KLHL29: variants seen among roughly 807,000 people sequenced by gnomAD.
KLHL29 encodes kelch like family member 29, also known as kelch-like protein 29.
In KLHL29, 21 loss-of-function variants were observed where a neutral mutation model predicts 80.4. The ratio of observed to expected loss-of-function variants is 0.26; its 90% confidence interval spans 0.19 to 0.38. KLHL29 has a LOEUF of 0.38. KLHL29 is among the 10% of genes least tolerant of loss of function. The pLI is 1.00. For missense variants in KLHL29, 867 were observed against 1,223.9 expected (o/e 0.71, Z 4.35); for synonymous variants, 511 against 526.8 (o/e 0.97, Z 0.41).
intron 2 of KLHL29, among the ~76,000 whole-genome samples, chr2:23,527,015 C>T (rs1284746222): frequency 1.3e-5 from 2 of 152,054 alleles, no homozygotes; most frequent in African/African-American, 4.8e-5. Flanking sequence ...TGGTATCCTG[C>T]GTTGGTGGAC....
intron 2 of KLHL29, among the ~76,000 whole-genome samples, chr2:23,553,011 C>T (rs1021739940): frequency 2.0e-5 from 3 of 152,100 alleles, no homozygotes; most frequent in Non-Finnish European, 2.9e-5. Flanking sequence ...CCACCCACCT[C>T]GGCCTCCCAA....
intron 3 of KLHL29, chr2:23,617,117 C>T (rs140984021): frequency 1.2e-4 from 19 of 152,328 alleles, no homozygotes; most frequent in African/African-American, 4.6e-4. Context: ...TCTTTTGTCT[C>T]CTCCCTTTGA....
intron 3 of KLHL29, among the ~76,000 whole-genome samples, chr2:23,569,277 G>T (rs1397238740): frequency 2.0e-5 from 3 of 152,236 alleles, no homozygotes; most frequent in Non-Finnish European, 4.4e-5. Context: ...TCTGAAATCA[G>T]GAAAGGGAGC....
At chr2:23,654,699 G>GGT (rs1553350623) in intron 5 of KLHL29, among the ~76,000 whole-genome samples, 1 of 118,810 alleles carries the variant, frequency 8.4e-6, no homozygotes, top group African/African-American at 2.7e-5. Flanking sequence ...CAGAGGTTGG[G>GGT]GGGGGGGGGT....
chr2:23,468,430 C>T lies in KLHL29; in HGVS notation c.-153-7130C>T, dbSNP rs568585207. ...TCTCTGTAAGGGGACCAGCAAATCACGAAGTCTAATAGCCCACCTTGTTTT... is the reference window on the plus strand; with the variant it reads ...TCTCTGTAAGGGGACCAGCAAATCATGAAGTCTAATAGCCCACCTTGTTTT... On this transcript the variant is annotated intron_variant, in intron 1 of 13. Transcript: ENST00000486442. Among the ~76,000 whole-genome samples, 10 of 152,164 alleles carry T rather than the reference C, an allele frequency of 6.6e-5. No homozygotes were observed. In the East Asian group the frequency reaches 1.2e-3, roughly 18 times the overall value.
At chr2:23,527,121 T>G (rs543280744) in intron 2 of KLHL29, among the ~76,000 whole-genome samples, 2 of 152,282 alleles carry the variant, frequency 1.3e-5, no homozygotes, top group East Asian at 3.9e-4. Context: ...TGTTGGCCCA[T>G]TCTGAAACCA....
At position 23,695,967 on chromosome 2, in the gene KLHL29, C is replaced by T; in HGVS notation, c.1758C>T (p.Ile586=). ...TCCCTGCAGGTGTGGCTGAGGTCATCGTCTTGGTTGGGGGCCGTCAGATGG... is the reference window on the plus strand; with the variant it reads ...TCCCTGCAGGTGTGGCTGAGGTCATTGTCTTGGTTGGGGGCCGTCAGATGG... ...PRLSAGVAEV[I]VLVGGRQMVG... Residue 586 remains isoleucine (I), a synonymous_variant, in exon 10 of 14, where the codon ATC becomes ATT. Transcript: ENST00000486442. The surrounding 1 kb of genome is among the most constrained non-coding windows in gnomAD (Gnocchi z 7.6). 3.9e-6 allele frequency: 6 copies of T among 1,551,418 alleles called. No individual in the cohort carries two copies. The highest frequency in any genetic ancestry group is 1.2e-5 in the South Asian group (1 of 84,050).
chr2:23,691,451 G>C (rs1245789110), intron 6 of KLHL29: 1 of 591,836 alleles, frequency 1.7e-6, no homozygotes, highest in South Asian at 2.0e-5. Flanking sequence ...TGGACATGCC[G>C]AGTAGTGATA....
At chr2:23,499,011 C>T (rs904558685) in intron 2 of KLHL29, among the ~76,000 whole-genome samples, 5 of 152,160 alleles carry the variant, frequency 3.3e-5, no homozygotes, top group Admixed American at 2.0e-4. Flanking sequence ...CGTTTCCTTT[C>T]GTGGCCATAA....
At chr2:23,495,418 T>C (rs1166940853) in intron 2 of KLHL29, among the ~76,000 whole-genome samples, 1 of 152,110 alleles carries the variant, frequency 6.6e-6, no homozygotes, top group East Asian at 1.9e-4. Context: ...GGTGTTGAGG[T>C]TGTGTCTTCT....
At chr2:23,483,088 T>C (rs1040373901) in intron 2 of KLHL29, among the ~76,000 whole-genome samples, 1 of 152,200 alleles carries the variant, frequency 6.6e-6, no homozygotes, top group Non-Finnish European at 1.5e-5. Flanking sequence ...ACTCATTTAC[T>C]TGACTTAGTG....
At chr2:23,417,761 A>C (rs1338288842) in intron 1 of KLHL29, among the ~76,000 whole-genome samples, 1 of 152,018 alleles carries the variant, frequency 6.6e-6, no homozygotes, top group Non-Finnish European at 1.5e-5. Flanking sequence ...AGCTCTGCTG[A>C]AGTGCTTGCA....
In KLHL29 at chr2:23,696,497, G is replaced by T. The variant is rs1279460322; in HGVS notation, c.2089G>T (p.Val697Leu). Residue 697 changes from valine (V) to leucine (L), a missense_variant, in exon 11 of 14, where the codon GTG becomes TTG. Physicochemically the swap from Val to Leu is conservative, Grantham distance 32. This residue lies in a region of KLHL29 where 443 missense variants were observed against 767.0 expected (regional missense o/e 0.58). Coordinates refer to ENST00000486442, the MANE Select transcript of KLHL29 (RefSeq NM_052920.2). This position sits in a 1 kb window ranked among gnomAD's most constrained non-coding sequence, Gnocchi z 5.5. ...TLGGLGVAGN[V>L]DHVERYDTIT... ...CGGGGGACTTGGCGTGGCAGGCAAC[G>T]TGGACCACGTGGAGAGGTAATGAGG... The T allele has an allele frequency of 6.5e-7, 1 of 1,531,478 alleles. No homozygotes were observed. The highest frequency in any genetic ancestry group is 1.4e-5 in the African/African-American group (1 of 72,846). 94.9% of individuals were successfully genotyped at this position (1,531,478 alleles called of 1,614,324 possible).
At chr2:23,497,789 T>G (rs571738679) in intron 2 of KLHL29, among the ~76,000 whole-genome samples, 127 of 152,264 alleles carry the variant, frequency 8.3e-4, no homozygotes, top group African/African-American at 2.9e-3. Context: ...CACTGAGCTG[T>G]GAGCTGGAGG....
At chr2:23,436,750 A>G (rs147387317) in intron 1 of KLHL29, among the ~76,000 whole-genome samples, 1 of 152,180 alleles carries the variant, frequency 6.6e-6, no homozygotes, top group African/African-American at 2.4e-5. Flanking sequence ...GATTTTTGCT[A>G]TTTGCTTTTG....
intron 3 of KLHL29, among the ~76,000 whole-genome samples, chr2:23,598,970 C>T (rs1182269236): frequency 6.6e-6 from 1 of 152,230 alleles, no homozygotes; most frequent in Non-Finnish European, 1.5e-5. Context: ...AAGCTGCCAT[C>T]GCCCAGCCCA....
At chr2:23,531,353 C>T (rs989293975) in intron 2 of KLHL29, among the ~76,000 whole-genome samples, 1 of 152,174 alleles carries the variant, frequency 6.6e-6, no homozygotes, top group African/African-American at 2.4e-5. Flanking sequence ...GGGTGAGGCT[C>T]AGTTTTGTGA....
intron 5 of KLHL29, among the ~76,000 whole-genome samples, chr2:23,671,254 T>C (rs968779433): frequency 2.6e-5 from 4 of 151,994 alleles, no homozygotes; most frequent in African/African-American, 7.2e-5. Context: ...AGTAATGGCT[T>C]TTACTGGAGC....
intron 3 of KLHL29, among the ~76,000 whole-genome samples, chr2:23,638,637 C>G (rs1669682671): frequency 6.6e-6 from 1 of 152,212 alleles, no homozygotes; most frequent in African/African-American, 2.4e-5. Context: ...TATAAAGTCC[C>G]TCACCTGCTG....
Sources: gnomAD v4.1 joint callset for allele counts (sites outside exome capture counted in the v4.1 genomes callset) on GRCh38, gnomAD v4.1.1 for gene constraint, gnomAD v4.1.1 regional missense constraint, Gnocchi (gnomAD v3.1) non-coding constraint, MANE v1.5 for transcripts, NCBI Gene and HGNC (gene_info 2026-07-23, HGNC 2026-07-21) for gene names.